NBAS: variants seen among roughly 807,000 people sequenced by gnomAD.
The protein encoded by NBAS is NAG/BC035112 fusion.
Under a neutral mutation model 302.5 loss-of-function variants are expected in NBAS, and 219 were observed. The ratio of observed to expected loss-of-function variants is 0.72; its 90% CI spans 0.65 to 0.81. The LOEUF (loss-of-function observed/expected upper bound fraction) is 0.81, where lower values mean the gene tolerates loss of function less well. Ranked by LOEUF, NBAS falls within the 30% of genes least tolerant of loss-of-function variation. The pLI is 0.00. For missense variants in NBAS, 2,932 were observed against 2,841.6 expected (o/e 1.03, Z -0.72); for synonymous variants, 1,118 against 1,021.6 (o/e 1.09, Z -1.80).
rs184497503 is a variant in NBAS at position 15,554,677 on chromosome 2, C to T, written c.210-539G>A. Reference sequence around the variant, plus strand: ...ACAGGAGTTGGAAGTGAGACTCCTGCAAAGGCCAGGATGCTCAAATGACTG... The same window carrying T: ...ACAGGAGTTGGAAGTGAGACTCCTGTAAAGGCCAGGATGCTCAAATGACTG... On this transcript the variant is annotated intron_variant, in intron 3 of 51. Transcript: ENST00000281513. Among the ~76,000 whole-genome samples the T allele has an allele frequency of 2.0e-5, 3 of 149,960 alleles. No individual in the cohort carries two copies. The East Asian group carries it at 5.9e-4, about 29-fold the overall frequency.
chr2:15,248,213 T>C (rs1017657256), intron 44 of NBAS, among the ~76,000 whole-genome samples: 3 of 152,054 alleles, frequency 2.0e-5, no homozygotes, highest in Non-Finnish European at 4.4e-5. Flanking sequence ...ACTCGGTGAA[T>C]AACAAAATGA....
chr2:14,924,859 A>G, the NBAS span, among the ~76,000 whole-genome samples: 1 of 152,152 alleles, frequency 6.6e-6, no homozygotes, highest in African/African-American at 2.4e-5. Flanking sequence ...AACTTCATGC[A>G]TGATATTTTT....
In NBAS at chr2:15,394,150, G is replaced by T. The variant is rs111997899; in HGVS notation, c.3257+77C>A. 1.4e-3 allele frequency: 1,980 copies of T among 1,436,646 alleles called. 28 individuals are homozygous for T. In the African/African-American group the frequency reaches 0.022, roughly 16 times the overall value. The allele number at this position is 1,436,646 out of a possible 1,614,324, so 89.0% of individuals were successfully genotyped here. ...TTATTATTAGTTATAACACAATGAG[G>T]TTGTCAGAAAAAGAGAAATACTTTT... On this transcript the variant is annotated intron_variant, in intron 28 of 51. Coordinates refer to ENST00000281513, the MANE Select transcript of NBAS (RefSeq NM_015909.4).
intron 21 of NBAS, among the ~76,000 whole-genome samples, chr2:15,449,760 T>C (rs527652736): frequency 6.6e-6 from 1 of 152,334 alleles, no homozygotes; most frequent in Admixed American, 6.5e-5. Flanking sequence ...AAGGTTATTC[T>C]TAGATTCAGG....
the NBAS span, among the ~76,000 whole-genome samples, chr2:15,036,021 C>A: frequency 1.3e-5 from 2 of 151,676 alleles, no homozygotes; most frequent in Non-Finnish European, 2.9e-5. Context: ...AAAGTATGCA[C>A]ATATTTTAAA....
At chr2:15,185,326 G>A (rs1199890192) in intron 50 of NBAS, among the ~76,000 whole-genome samples, 1 of 152,196 alleles carries the variant, frequency 6.6e-6, no homozygotes, top group African/African-American at 2.4e-5. Context: ...CCTCCTGTTA[G>A]GCAGTAACAG....
chr2:14,991,728 T>G, the NBAS span, among the ~76,000 whole-genome samples: 1 of 152,226 alleles, frequency 6.6e-6, no homozygotes, highest in African/African-American at 2.4e-5. Flanking sequence ...TGGGTCTTGG[T>G]AGAATCTTGG....
the NBAS span, among the ~76,000 whole-genome samples, chr2:15,156,523 T>C: frequency 6.6e-6 from 1 of 152,194 alleles, no homozygotes; most frequent in Non-Finnish European, 1.5e-5. Flanking sequence ...CTGTTCCTCA[T>C]AGATGGTGGT....
intron 35 of NBAS, 110 bp downstream of exon 35, chr2:15,351,882 A>ACACACACACG (rs1673375617): frequency 2.6e-6 from 1 of 382,712 alleles, no homozygotes; most frequent in African/African-American, 1.9e-5. Context: ...ACACACACAC[A>ACACACACACG]CACACACACA....
intron 6 of NBAS, among the ~76,000 whole-genome samples, chr2:15,541,613 AAT>A (rs1172406103): frequency 5.9e-5 from 9 of 152,096 alleles, no homozygotes; most frequent in Non-Finnish European, 1.2e-4. Context: ...GGATAAGTCT[AAT>A]TAATTTTATT....
the NBAS span, among the ~76,000 whole-genome samples, chr2:14,837,022 G>T: frequency 6.6e-6 from 1 of 151,682 alleles, no homozygotes; most frequent in Non-Finnish European, 1.5e-5. Flanking sequence ...TAGCAACCTT[G>T]CTAAACTCAT....
chr2:15,319,074 A>G (rs1218711897), intron 38 of NBAS, among the ~76,000 whole-genome samples: 2 of 152,250 alleles, frequency 1.3e-5, no homozygotes, highest in Non-Finnish European at 2.9e-5. Context: ...CAATCAAATT[A>G]GAACTCAGGA....
the NBAS span, among the ~76,000 whole-genome samples, chr2:14,793,375 G>T: frequency 2.0e-5 from 3 of 151,964 alleles, no homozygotes; most frequent in South Asian, 2.1e-4. Flanking sequence ...AGATGAAAAG[G>T]TTATAAAAAT....
In NBAS at chr2:15,168,924, G is replaced by A. The variant is rs569859737; in HGVS notation, c.6841-1601C>T. ...GATTACAGGCGTGGCCACCGTGCCC[G>A]GCCTGTATGATAGTAATTTGTATGT... On this transcript the variant is annotated intron_variant, in intron 51 of 51. Coordinates refer to ENST00000281513, the MANE Select transcript of NBAS (RefSeq NM_015909.4). 1.5e-4 allele frequency among the ~76,000 whole-genome samples: 23 copies of A among 152,260 alleles called. No individual in the cohort carries two copies. In the South Asian group the frequency reaches 2.3e-3, roughly 15 times the overall value.
chr2:15,028,457 A>G, the NBAS span, among the ~76,000 whole-genome samples: 1 of 152,226 alleles, frequency 6.6e-6, no homozygotes, highest in East Asian at 1.9e-4. Context: ...AAATCTGATA[A>G]AGCTAGGGCA....
intron 21 of NBAS, among the ~76,000 whole-genome samples, chr2:15,434,211 CAACAAAACAAGAGAGATA>C (rs939338103): frequency 2.1e-4 from 32 of 152,032 alleles, no homozygotes; most frequent in African/African-American, 6.8e-4. Context: ...TGATTAATGT[CAACAAAACAAGAGAGATA>C]AACAAAACAA....
At chr2:15,451,536 A>C (rs753500321) in intron 21 of NBAS, among the ~76,000 whole-genome samples, 2 of 152,338 alleles carry the variant, frequency 1.3e-5, no homozygotes, top group Non-Finnish European at 1.5e-5. Context: ...AACTGGAATA[A>C]TATCCTCTGA....
At chr2:14,954,304 G>A in the NBAS span, among the ~76,000 whole-genome samples, 6 of 152,150 alleles carry the variant, frequency 3.9e-5, no homozygotes, top group Admixed American at 3.9e-4. Flanking sequence ...GTTAGGTAGG[G>A]GGAAGGAAAG....
chr2:14,808,894 G>A, the NBAS span, among the ~76,000 whole-genome samples: 1 of 152,228 alleles, frequency 6.6e-6, no homozygotes, highest in African/African-American at 2.4e-5. Context: ...GTCTCAGATG[G>A]AGATAAGAGC....
Sources: allele counts gnomAD v4.1 joint callset (sites outside exome capture counted in the v4.1 genomes callset), GRCh38; gene constraint gnomAD v4.1.1; transcripts MANE v1.5; gene names NCBI Gene and HGNC (gene_info 2026-07-23, HGNC 2026-07-21).